Variants in SHISA9 observed in about 807,000 individuals in gnomAD.
SHISA9 encodes the protein shisa family member 9, also known as protein shisa-9.
Under a neutral mutation model 38.0 loss-of-function variants are expected in SHISA9, and 13 were observed. The ratio of observed to expected loss-of-function variants is 0.34; its 90% confidence interval spans 0.22 to 0.54. SHISA9 has a LOEUF of 0.54. Among genes scored for constraint, SHISA9 ranks in the 20% least tolerant of loss-of-function variants. The probability of loss-of-function intolerance (pLI) is 0.91; values close to 1 mark genes in which losing one functional copy is unlikely to be tolerated. For synonymous variants in SHISA9, 275 were observed against 242.0 expected (o/e 1.14, Z -1.27); for missense variants, 538 against 575.8 (o/e 0.93, Z 0.67).
chr16:13,111,501 A>G (rs1350749365), intron 2 of SHISA9, among the ~76,000 whole-genome samples: 1 of 152,204 alleles, frequency 6.6e-6, no homozygotes, highest in African/African-American at 2.4e-5. Context: ...CTGTAAAGTC[A>G]GACTGAAAAC....
chr16:13,004,759 T>C (rs1240644926), intron 2 of SHISA9, among the ~76,000 whole-genome samples: 1 of 150,028 alleles, frequency 6.7e-6, no homozygotes, highest in Non-Finnish European at 1.5e-5. Context: ...ACCCCATCTC[T>C]ACTAAAAATA....
the SHISA9 span, among the ~76,000 whole-genome samples, chr16:13,395,852 T>C: frequency 6.6e-6 from 1 of 152,098 alleles, no homozygotes; most frequent in Admixed American, 6.6e-5. Flanking sequence ...CTGTGCAGAG[T>C]GGGTATCACT....
the SHISA9 span, among the ~76,000 whole-genome samples, chr16:13,328,971 A>C: frequency 6.6e-6 from 1 of 152,160 alleles, no homozygotes; most frequent in Non-Finnish European, 1.5e-5. Context: ...AGCGAGCTGG[A>C]AGCTTGCACC....
chr16:13,472,611 CT>C, the SHISA9 span, among the ~76,000 whole-genome samples: 1 of 151,958 alleles, frequency 6.6e-6, no homozygotes, highest in Admixed American at 6.6e-5. Flanking sequence ...CCAGGAAGAT[CT>C]TGATCTCCTG....
chr16:13,402,386 G>A, the SHISA9 span, among the ~76,000 whole-genome samples: 1 of 152,268 alleles, frequency 6.6e-6, no homozygotes, highest in Admixed American at 6.5e-5. Flanking sequence ...GAGTTCTGAT[G>A]CACAAGGGTA....
intron 2 of SHISA9, among the ~76,000 whole-genome samples, chr16:13,181,710 T>C (rs1194309057): frequency 2.0e-5 from 3 of 151,752 alleles, no homozygotes; most frequent in African/African-American, 4.8e-5. Context: ...GGTATCTCAA[T>C]AGGAGGTCCA....
intron 2 of SHISA9, among the ~76,000 whole-genome samples, chr16:12,953,895 A>C (rs2071793424): frequency 6.6e-6 from 1 of 152,148 alleles, no homozygotes; most frequent in Non-Finnish European, 1.5e-5. Flanking sequence ...GAAGTGCCAC[A>C]CTTTAAAACC....
chr16:13,283,430 T>A, the SHISA9 span, among the ~76,000 whole-genome samples: 1 of 152,114 alleles, frequency 6.6e-6, no homozygotes. Context: ...AGTGGTTTAA[T>A]TGACTCACAG....
chr16:13,435,076 C>T, the SHISA9 span, among the ~76,000 whole-genome samples: 1 of 152,210 alleles, frequency 6.6e-6, no homozygotes, highest in African/African-American at 2.4e-5. Context: ...AACATACTTT[C>T]CTCTCTATTT....
chr16:13,091,743 CA>C (rs2073777287), intron 2 of SHISA9, among the ~76,000 whole-genome samples: 1 of 152,170 alleles, frequency 6.6e-6, no homozygotes, highest in African/African-American at 2.4e-5. Flanking sequence ...AATGGGTTCA[CA>C]CATCCTCCTT....
chr16:13,327,165 C>T, the SHISA9 span, among the ~76,000 whole-genome samples: 1 of 152,094 alleles, frequency 6.6e-6, no homozygotes, highest in African/African-American at 2.4e-5. Context: ...TTTAACGTAC[C>T]AAGCCAGAGT....
chr16:13,481,418 T>A, the SHISA9 span, among the ~76,000 whole-genome samples: 1 of 152,226 alleles, frequency 6.6e-6, no homozygotes, highest in Non-Finnish European at 1.5e-5. Context: ...ACTCCTTCCA[T>A]CTGACTGTAT....
chr16:13,180,483 A>G (rs374761468), intron 2 of SHISA9, among the ~76,000 whole-genome samples: 9 of 152,180 alleles, frequency 5.9e-5, no homozygotes, highest in African/African-American at 1.7e-4. Flanking sequence ...GGATCCCTTG[A>G]GCTCAGGAGT....
At chr16:13,322,850 T>TAAAC in the SHISA9 span, among the ~76,000 whole-genome samples, 4 of 152,180 alleles carry the variant, frequency 2.6e-5, no homozygotes, top group African/African-American at 9.6e-5. Flanking sequence ...TAAAGTTGTT[T>TAAAC]AACTCCCACA....
chr16:13,340,261 C>T, the SHISA9 span, among the ~76,000 whole-genome samples: 28 of 152,136 alleles, frequency 1.8e-4, no homozygotes. Context: ...GCTTAACCTC[C>T]TATATTTGGC....
At chr16:13,335,265 A>G in the SHISA9 span, among the ~76,000 whole-genome samples, 1 of 152,208 alleles carries the variant, frequency 6.6e-6, no homozygotes, top group Non-Finnish European at 1.5e-5. Flanking sequence ...GAGCAAGTGG[A>G]TAATGGAGTT....
At chr16:13,395,426 A>C in the SHISA9 span, among the ~76,000 whole-genome samples, 1 of 152,226 alleles carries the variant, frequency 6.6e-6, no homozygotes, top group African/African-American at 2.4e-5. Flanking sequence ...TCCTCTGCTC[A>C]AGGTCTCATA....
the SHISA9 span, among the ~76,000 whole-genome samples, chr16:13,373,837 T>A: frequency 6.6e-6 from 1 of 151,084 alleles, no homozygotes; most frequent in Non-Finnish European, 1.5e-5. Flanking sequence ...AATGAGGTAA[T>A]GTACATGCAG....
intron 2 of SHISA9, among the ~76,000 whole-genome samples, chr16:12,981,953 C>T (rs1463708954): frequency 6.6e-6 from 1 of 152,196 alleles, no homozygotes; most frequent in Non-Finnish European, 1.5e-5. Flanking sequence ...GGACTTCTAA[C>T]CTCTGGAATT....
Sources: allele counts gnomAD v4.1 joint callset (sites outside exome capture counted in the v4.1 genomes callset), GRCh38; gene constraint gnomAD v4.1.1; transcripts MANE v1.5; gene names NCBI Gene and HGNC (gene_info 2026-07-23, HGNC 2026-07-21).